The following ZNF862 variants were observed in gnomAD, a reference collection of about 807,000 sequenced individuals.
The protein encoded by ZNF862 is zinc finger protein 862.
In ZNF862, 64 loss-of-function variants were observed where a neutral mutation model predicts 91.1. The observed-to-expected ratio is 0.70, with a 90% CI of 0.57 to 0.87. The LOEUF (loss-of-function observed/expected upper bound fraction) is 0.87. Among genes scored for constraint, ZNF862 ranks in the 40% least tolerant of loss-of-function variants. The pLI is 0.00. For missense variants in ZNF862, 1,459 were observed against 1,528.0 expected (o/e 0.95, Z 0.75); for synonymous variants, 631 against 618.1 (o/e 1.02, Z -0.31).
chr7:149,848,427 A>T lies in ZNF862; in HGVS notation c.934A>T (p.Ile312Phe). 1 of 1,527,786 alleles carries T rather than the reference A, an allele frequency of 6.5e-7. No individual in the cohort carries two copies. Among genetic ancestry groups the T allele is most frequent in the Non-Finnish European group, 8.8e-7 (1 of 1,135,784 alleles). The allele number at this position is 1,527,786 out of a possible 1,614,324, so 94.6% of individuals were successfully genotyped here. ...ILYNDAVESC[I>F]QDPSAEGLSE... is the part of the protein sequence containing the mutation. ...ATATAATGATGCAGTAGAATCCTGCATTCAGGTAATACGTTTATAATGATT... is the reference window on the plus strand; with the variant it reads ...ATATAATGATGCAGTAGAATCCTGCTTTCAGGTAATACGTTTATAATGATT... The change falls in exon 4 of 8, where the codon ATT becomes TTT. Residue 312 changes from isoleucine to phenylalanine, a missense_variant. By Grantham distance (21) the Ile-to-Phe change is conservative (BLOSUM62 0). Transcript: ENST00000223210.
At chr7:149,860,017 T>C in intron 6 of ZNF862, 1 of 304,272 alleles carries the variant, frequency 3.3e-6, no homozygotes, top group Non-Finnish European at 6.1e-6. Context: ...ACCTATTCTA[T>C]TGTGGAGCCT....
At position 149,866,278 on chromosome 7, in the gene ZNF862, C is replaced by CA; in HGVS notation, c.*1995dup. On this transcript the variant is annotated 3_prime_UTR_variant, in exon 8 of 8. Coordinates refer to ENST00000223210, the MANE Select transcript of ZNF862 (RefSeq NM_001099220.3). ...TGTTACTATCTGCGTGGCTAAGGCA[C>CA]ACACAGGCCTCCTTCTCCCCATCAC... is the stretch of plus-strand genomic sequence containing the variant. 1 of 152,342 alleles carries CA rather than the reference C, an allele frequency of 6.6e-6. No individual in the cohort carries two copies. The highest frequency in any genetic ancestry group is 2.1e-4 in the South Asian group (1 of 4,818). The allele number at this position is 152,342 out of a possible 1,614,324, so 9.4% of individuals were successfully genotyped here. A position where few individuals can be genotyped will look rare whatever the true frequency, so the allele number is the denominator to read the frequency against.
In ZNF862 at chr7:149,844,539, A is replaced by G. The variant is rs532015079; in HGVS notation, c.25-86A>G. 1.2e-3 allele frequency: 1,079 copies of G among 865,132 alleles called. 1 individual carries two copies. The highest frequency in any genetic ancestry group is 1.4e-3 in the Non-Finnish European group (752 of 538,732). 53.6% of individuals were successfully genotyped at this position (865,132 alleles called of 1,614,324 possible). A position where few individuals can be genotyped will look rare whatever the true frequency, so the allele number is the denominator to read the frequency against. On this transcript the variant is annotated intron_variant, in intron 1 of 7. Transcript: ENST00000223210. Reference sequence around the variant, plus strand: ...AAATTGACAACACCCCTCCCCGTGTAGGGTGCCCTCAGGTGGTCAGGAACA... The same window carrying G: ...AAATTGACAACACCCCTCCCCGTGTGGGGTGCCCTCAGGTGGTCAGGAACA...
Position 149,862,199 on chromosome 7 carries a change from G to C in ZNF862, c.3039G>C (p.Leu1013=). Residue 1013 remains leucine (L), a synonymous_variant, in exon 7 of 8, where the codon CTG becomes CTC. Coordinates refer to ENST00000223210, the MANE Select transcript of ZNF862 (RefSeq NM_001099220.3). Reference sequence around the variant, plus strand: ...TCTCCATGCTCTGCAAAAACGCCCTGGCCCAGCACTGCCGCTTCCCCCTGC... The same window carrying C: ...TCTCCATGCTCTGCAAAAACGCCCTCGCCCAGCACTGCCGCTTCCCCCTGC... ...LPFSMLCKNA[L]AQHCRFPLLS... 6.2e-7 allele frequency: 1 copy of C among 1,613,626 alleles called. No homozygotes were observed. The highest frequency in any genetic ancestry group is 8.5e-7 in the Non-Finnish European group (1 of 1,179,882).
At position 149,861,693 on chromosome 7, in the gene ZNF862, T is replaced by G; in HGVS notation, c.2533T>G (p.Leu845Val). 6.2e-7 allele frequency: 1 copy of G among 1,612,926 alleles called. No individual in the cohort carries two copies. Among genetic ancestry groups the G allele is most frequent in the South Asian group, 1.1e-5 (1 of 90,952 alleles). ...FHFVKFCHFL[L>V]DFLSIYRPLS... Reference sequence around the variant, plus strand: ...CTTTGTCAAGTTCTGCCACTTCCTGTTGGACTTCCTGAGCATCTACAGGCC... The same window carrying G: ...CTTTGTCAAGTTCTGCCACTTCCTGGTGGACTTCCTGAGCATCTACAGGCC... Residue 845 changes from leucine (L) to valine (V), a missense_variant, in exon 7 of 8, where the codon TTG (leucine) becomes GTG (valine). Coordinates refer to ENST00000223210, the MANE Select transcript of ZNF862 (RefSeq NM_001099220.3). The surrounding 1 kb of genome is among the most constrained non-coding windows in gnomAD (Gnocchi z 6.7).
intron 7 of ZNF862, among the ~76,000 whole-genome samples, chr7:149,862,985 C>A (rs188107934): frequency 1.3e-5 from 2 of 152,304 alleles, no homozygotes; most frequent in Non-Finnish European, 2.9e-5. Flanking sequence ...CTGGACCGTG[C>A]AGGAATTTTC....
At chr7:149,838,890 G>C (rs1045089937) in intron 1 of ZNF862, among the ~76,000 whole-genome samples, 2 of 152,222 alleles carry the variant, frequency 1.3e-5, no homozygotes, top group Admixed American at 1.3e-4. Context: ...TGCTGGGTTG[G>C]GTGACCCCCG....
chr7:149,863,808 C>T (rs1586077092), intron 7 of ZNF862, among the ~76,000 whole-genome samples: 1 of 152,218 alleles, frequency 6.6e-6, no homozygotes, highest in Non-Finnish European at 1.5e-5. Context: ...CATCCATGGC[C>T]TCTACCTATT....
intron 1 of ZNF862, among the ~76,000 whole-genome samples, chr7:149,843,159 T>C (rs1218230037): frequency 6.6e-6 from 1 of 152,230 alleles, no homozygotes; most frequent in Non-Finnish European, 1.5e-5. Flanking sequence ...GTCCAAATTT[T>C]CTGCAGTCAA....
At chr7:149,843,726 G>A (rs544545874) in intron 1 of ZNF862, among the ~76,000 whole-genome samples, 137 of 152,308 alleles carry the variant, frequency 9.0e-4, no homozygotes, top group Middle Eastern at 3.4e-3. Flanking sequence ...GGAGCCTCAT[G>A]TAAAGGAACC....
chr7:149,864,032 C>A, intron 7 of ZNF862, 77 bp from the exon 8 acceptor site: 1 of 1,461,948 alleles, frequency 6.8e-7, no homozygotes, highest in East Asian at 2.5e-5. Flanking sequence ...CCTCACCAAA[C>A]AGCCCCTGGG....
At position 149,855,822 on chromosome 7, in the gene ZNF862, C is replaced by T. The variant is rs1300247511; in HGVS notation, c.1118-3600C>T. ...TAGAAGCACTTCCAGACCCTGTGCT[C>T]TCCCAGACCTGGGATTGTAGGCCTT... On this transcript the variant is annotated intron_variant, in intron 5 of 7. Coordinates refer to ENST00000223210, the MANE Select transcript of ZNF862 (RefSeq NM_001099220.3). This position sits in a 1 kb window ranked among gnomAD's most constrained non-coding sequence, Gnocchi z 4.1. Among the ~76,000 whole-genome samples the T allele has an allele frequency of 2.0e-5, 3 of 152,238 alleles. No individual in the cohort carries two copies. Among genetic ancestry groups the T allele is most frequent in the African/African-American group, 7.2e-5 (3 of 41,458 alleles).
intron 1 of ZNF862, 30 bp from the exon 2 acceptor site, chr7:149,844,595 G>A (rs751088010): frequency 1.2e-5 from 18 of 1,473,688 alleles, no homozygotes; most frequent in South Asian, 2.4e-5. Flanking sequence ...GGAAGAGAGT[G>A]GTACTTAGCA....
chr7:149,862,753 C>T (rs1471512160), intron 7 of ZNF862, among the ~76,000 whole-genome samples: 3 of 152,258 alleles, frequency 2.0e-5, no homozygotes, highest in East Asian at 3.8e-4. Context: ...CAGTGCTGTG[C>T]TGGCTCTGCC....
chr7:149,859,257 T>C, intron 5 of ZNF862, 165 bp from the exon 6 acceptor site: 1 of 673,254 alleles, frequency 1.5e-6, no homozygotes, highest in South Asian at 1.8e-5. Flanking sequence ...TTACTGCCTC[T>C]TTGGCACTCT....
chr7:149,839,714 C>G (rs780260061), intron 1 of ZNF862, among the ~76,000 whole-genome samples: 1 of 152,170 alleles, frequency 6.6e-6, no homozygotes, highest in African/African-American at 2.4e-5. Flanking sequence ...CATCCTCCCT[C>G]CCTCCACAAG....
At chr7:149,841,762 C>G (rs1043082688) in intron 1 of ZNF862, 98 of 985,056 alleles carry the variant, frequency 9.9e-5, no homozygotes, top group Non-Finnish European at 1.2e-4. Context: ...CTCTATCTTT[C>G]CTGTACAAGT....
Position 149,848,032 on chromosome 7 carries a change from G to T in ZNF862, c.539G>T (p.Gly180Val). 6.2e-7 allele frequency: 1 copy of T among 1,613,912 alleles called. No individual in the cohort carries two copies. ...GACAAACGGTCAAGACTAATAGAAG[G>T]TTATACAGGACCATTCAAGGTGGAG... The part of the protein sequence containing the change: ...IRDKRSRLIE[G>V]YTGPFKVETL... Residue 180 changes from glycine (G) to valine (V), a missense_variant, in exon 4 of 8, where the codon GGT becomes GTT. Transcript: ENST00000223210.
chr7:149,848,223 C>T lies in ZNF862; in HGVS notation c.730C>T (p.Pro244Ser). ...CACTGCAGATTGCCCCATATTCTAC[C>T]CCCCAGGGCCTCTGGGAGGATTTGA... is the stretch of plus-strand genomic sequence containing the variant. Reference protein sequence around the residue: ...LFTADCPIFYPPGPLGGFDSM... With the variant: ...LFTADCPIFYSPGPLGGFDSM... The change falls in exon 4 of 8, where the codon CCC becomes TCC. Residue 244 changes from proline to serine, a missense_variant. By Grantham distance (74) the Pro-to-Ser change is moderately conservative (BLOSUM62 -1). Coordinates refer to ENST00000223210, the MANE Select transcript of ZNF862 (RefSeq NM_001099220.3). 1 of 1,613,842 alleles carries T rather than the reference C, an allele frequency of 6.2e-7. No homozygotes were observed. The highest frequency in any genetic ancestry group is 8.5e-7 in the Non-Finnish European group (1 of 1,179,832).
Sources: gnomAD v4.1 joint callset for allele counts (sites outside exome capture counted in the v4.1 genomes callset) on GRCh38, gnomAD v4.1.1 for gene constraint, Gnocchi (gnomAD v3.1) non-coding constraint, MANE v1.5 for transcripts, NCBI Gene and HGNC (gene_info 2026-07-23, HGNC 2026-07-21) for gene names.